SPAG16: variants seen among roughly 807,000 people sequenced by gnomAD.
SPAG16 encodes the protein sperm-associated antigen 16 protein.
A neutral mutation model predicts 80.4 loss-of-function variants in SPAG16; 86 were observed. The observed-to-expected ratio is 1.07, with a 90% CI of 0.90 to 1.28. SPAG16 has a LOEUF of 1.28. Among genes scored for constraint, SPAG16 ranks in the 50% most tolerant of loss-of-function variants. The pLI, the probability that SPAG16 is intolerant of heterozygous loss-of-function variation, is 0.00. For synonymous variants in SPAG16, 294 were observed against 265.9 expected (o/e 1.11, Z -1.03); for missense variants, 870 against 765.3 (o/e 1.14, Z -1.61).
At chr2:213,309,858 A>G (rs182254971) in intron 3 of SPAG16, among the ~76,000 whole-genome samples, 2 of 151,492 alleles carry the variant, frequency 1.3e-5, no homozygotes, top group East Asian at 3.9e-4. Context: ...CACTTGACTA[A>G]TAGATAGGAG....
intron 10 of SPAG16, among the ~76,000 whole-genome samples, chr2:213,672,041 T>C (rs775122446): frequency 2.0e-5 from 3 of 152,230 alleles, no homozygotes. Context: ...CTTTCCCCTT[T>C]AGAAAACTAA....
intron 10 of SPAG16, among the ~76,000 whole-genome samples, chr2:213,639,618 C>A (rs1005684010): frequency 6.6e-6 from 1 of 152,144 alleles, no homozygotes; most frequent in Non-Finnish European, 1.5e-5. Context: ...TGCTGTAAAT[C>A]TGATACATTT....
At chr2:213,310,449 AAATC>A (rs1047055933) in intron 4 of SPAG16, among the ~76,000 whole-genome samples, 9 of 151,986 alleles carry the variant, frequency 5.9e-5, no homozygotes, top group African/African-American at 2.2e-4. Flanking sequence ...AATTTTTAAA[AAATC>A]AAGACACTTG....
chr2:214,208,251 T>C (rs942318020), intron 15 of SPAG16, among the ~76,000 whole-genome samples: 1 of 152,122 alleles, frequency 6.6e-6, no homozygotes, highest in Non-Finnish European at 1.5e-5. Flanking sequence ...TAAAAACCTG[T>C]GTTGCTATTC....
Position 214,032,498 on chromosome 2 carries a change from T to C in SPAG16, c.1527+18421T>C, listed in dbSNP as rs369186897. 9.2e-5 allele frequency among the ~76,000 whole-genome samples: 14 copies of C among 152,258 alleles called. No homozygotes were observed. The East Asian group carries it at 2.7e-3, about 29-fold the overall frequency. ...AAAATTTATGGGCATATTGAAGACA[T>C]GTAACAATTGCCTGTATGAATAACA... On this transcript the variant is annotated intron_variant, in intron 13 of 15. Transcript: ENST00000331683.
At chr2:214,009,291 C>G (rs1291020876) in intron 12 of SPAG16, among the ~76,000 whole-genome samples, 1 of 152,104 alleles carries the variant, frequency 6.6e-6, no homozygotes, top group African/African-American at 2.4e-5. Flanking sequence ...CTTCTCAACT[C>G]AGTGAAACTT....
chr2:214,183,843 C>T (rs2057383904), intron 15 of SPAG16, among the ~76,000 whole-genome samples: 1 of 152,014 alleles, frequency 6.6e-6, no homozygotes, highest in Non-Finnish European at 1.5e-5. Flanking sequence ...GTATAGATTA[C>T]CCCATCTGAG....
chr2:213,785,941 A>G (rs550180577), intron 10 of SPAG16, among the ~76,000 whole-genome samples: 5 of 151,682 alleles, frequency 3.3e-5, no homozygotes, highest in African/African-American at 9.7e-5. Context: ...CGGGAGGCGG[A>G]GTTTGCAGTG....
chr2:214,246,332 C>CATT (rs759095502), intron 15 of SPAG16, among the ~76,000 whole-genome samples: 6 of 152,146 alleles, frequency 3.9e-5, no homozygotes, highest in Non-Finnish European at 7.3e-5. Flanking sequence ...ACATTCTCTT[C>CATT]CACAATGTCA....
intron 10 of SPAG16, among the ~76,000 whole-genome samples, chr2:213,820,827 A>G (rs2072893129): frequency 6.6e-6 from 1 of 152,084 alleles, no homozygotes; most frequent in Non-Finnish European, 1.5e-5. Context: ...AATTAGTACT[A>G]TCAACCTAAC....
chr2:213,628,423 G>C (rs568531717), intron 10 of SPAG16, among the ~76,000 whole-genome samples: 1 of 152,266 alleles, frequency 6.6e-6, no homozygotes, highest in East Asian at 1.9e-4. Context: ...AGGGAATTTA[G>C]TCTCTTTATT....
intron 1 of SPAG16, among the ~76,000 whole-genome samples, chr2:213,292,605 A>G (rs2062324850): frequency 1.4e-5 from 2 of 145,966 alleles, no homozygotes; most frequent in Non-Finnish European, 3.0e-5. Flanking sequence ...CGGAGCTTGC[A>G]GTGAGCCGAG....
chr2:213,790,106 T>C (rs896505460), intron 10 of SPAG16, among the ~76,000 whole-genome samples: 2 of 151,966 alleles, frequency 1.3e-5, no homozygotes, highest in African/African-American at 4.8e-5. Context: ...TCCCTTGTTC[T>C]TTCCCCAGTG....
intron 15 of SPAG16, among the ~76,000 whole-genome samples, chr2:214,345,377 G>C (rs886336720): frequency 6.6e-6 from 1 of 152,090 alleles, no homozygotes; most frequent in Admixed American, 6.6e-5. Flanking sequence ...GTCTGTCTTA[G>C]TGACAAACAA....
rs1472949541 is a variant in SPAG16 at position 213,352,927 on chromosome 2, G to A, written c.762+2282G>A. ...CCAGTCTCTTTGGGTTTAACACAGGGTGTTTGAATATTATATTAACTGAAT... is the reference window on the plus strand; with the variant it reads ...CCAGTCTCTTTGGGTTTAACACAGGATGTTTGAATATTATATTAACTGAAT... On this transcript the variant is annotated intron_variant, in intron 7 of 15. Coordinates refer to ENST00000331683, the MANE Select transcript of SPAG16 (RefSeq NM_024532.5). Among the ~76,000 whole-genome samples, 10 of 152,164 alleles carry A rather than the reference G, an allele frequency of 6.6e-5. No homozygotes were observed. The East Asian group carries it at 1.5e-3, about 23-fold the overall frequency.
At chr2:213,735,811 G>A (rs1050247904) in intron 10 of SPAG16, among the ~76,000 whole-genome samples, 3 of 152,198 alleles carry the variant, frequency 2.0e-5, no homozygotes, top group African/African-American at 7.2e-5. Flanking sequence ...ATAGCATTGT[G>A]AAGATTATTA....
chr2:214,170,715 TAAGCTC>T (rs2056843364), intron 15 of SPAG16, among the ~76,000 whole-genome samples: 1 of 152,032 alleles, frequency 6.6e-6, no homozygotes, highest in Non-Finnish European at 1.5e-5. Flanking sequence ...TGTTGTGGTA[TAAGCTC>T]ATGATTATGT....
At chr2:213,776,540 A>G (rs1477549506) in intron 10 of SPAG16, among the ~76,000 whole-genome samples, 1 of 152,218 alleles carries the variant, frequency 6.6e-6, no homozygotes, top group Non-Finnish European at 1.5e-5. Context: ...GTAATTTGCT[A>G]CAGCAGCAAT....
At chr2:213,720,353 C>A (rs760403346) in intron 10 of SPAG16, among the ~76,000 whole-genome samples, 1 of 151,674 alleles carries the variant, frequency 6.6e-6, no homozygotes, top group South Asian at 2.1e-4. Flanking sequence ...ATAGGCCAGG[C>A]GCAGTGGCTA....
Sources: gnomAD v4.1 joint callset for allele counts (sites outside exome capture counted in the v4.1 genomes callset) on GRCh38, gnomAD v4.1.1 for gene constraint, MANE v1.5 for transcripts, NCBI Gene and HGNC (gene_info 2026-07-23, HGNC 2026-07-21) for gene names.